Variants in TSNARE1 observed in about 807,000 individuals in gnomAD.
TSNARE1 encodes the protein t-SNARE domain-containing protein 1.
A neutral mutation model predicts 62.0 loss-of-function variants in TSNARE1; 49 were observed. The ratio of observed to expected loss-of-function variants is 0.79; its 90% confidence interval spans 0.63 to 1.00. TSNARE1 has a LOEUF of 1.00. Ranked by LOEUF, TSNARE1 falls within the 50% of genes least tolerant of loss-of-function variation. The probability of loss-of-function intolerance (pLI) is 0.00; values close to 1 mark genes in which losing one functional copy is unlikely to be tolerated. For missense variants in TSNARE1, 755 were observed against 700.1 expected (o/e 1.08, Z -0.88); for synonymous variants, 328 against 294.4 (o/e 1.11, Z -1.17).
At chr8:142,278,762 TGA>T in intron 11 of TSNARE1, 2 of 985,310 alleles carry the variant, frequency 2.0e-6, no homozygotes, top group South Asian at 4.7e-5. Flanking sequence ...CCTGACAGGC[TGA>T]GAGTCACCGG....
At chr8:142,256,367 T>C (rs369458512) in intron 12 of TSNARE1, among the ~76,000 whole-genome samples, 60 of 113,220 alleles carry the variant, frequency 5.3e-4, no homozygotes, top group Non-Finnish European at 6.6e-4. Context: ...ATCACCACCA[T>C]CATCACCACC....
At chr8:142,364,724 T>G (rs1835410782) in intron 1 of TSNARE1, among the ~76,000 whole-genome samples, 1 of 152,118 alleles carries the variant, frequency 6.6e-6, no homozygotes, top group Non-Finnish European at 1.5e-5. Context: ...AGAACCAGCT[T>G]GAAAAGGCTG....
rs542900493 is a variant in TSNARE1, at chr8:142,381,468, GC to G, written c.-40+21635del. Among the ~76,000 whole-genome samples the G allele has an allele frequency of 7.6e-4, 114 of 150,802 alleles. 2 individuals are homozygous for G. The South Asian group carries it at 0.015, about 20-fold the overall frequency. On this transcript the variant is annotated intron_variant, in intron 1 of 13. Coordinates refer to ENST00000524325, the MANE Select transcript of TSNARE1 (RefSeq NM_145003.5). ...TCTCCCCTTGCTAAAACCTATCAGCGCCCCCCCCCACCCCACCAAGCACAAG... is the reference window on the plus strand; with the variant it reads ...TCTCCCCTTGCTAAAACCTATCAGCGCCCCCCCCACCCCACCAAGCACAAG...
At chr8:142,271,698 GA>G in intron 12 of TSNARE1, 1 of 1,364,734 alleles carries the variant, frequency 7.3e-7, no homozygotes, top group Non-Finnish European at 9.4e-7. Flanking sequence ...TCAGCTAACA[GA>G]GGGAGACAGG....
intron 13 of TSNARE1, among the ~76,000 whole-genome samples, chr8:142,227,162 C>T (rs932179451): frequency 5.3e-5 from 8 of 150,894 alleles, no homozygotes; most frequent in Non-Finnish European, 1.0e-4. Context: ...CAGCCAGGAC[C>T]TCCACTGTGC....
chr8:142,276,702 C>T (rs1449876259), intron 11 of TSNARE1: 15 of 985,306 alleles, frequency 1.5e-5, no homozygotes, highest in African/African-American at 3.5e-5. Context: ...CTGCTCTACA[C>T]CTAGCCCTGG....
At chr8:142,270,953 G>A (rs571806430) in intron 12 of TSNARE1, 40 of 985,456 alleles carry the variant, frequency 4.1e-5, no homozygotes, top group East Asian at 1.1e-4. Flanking sequence ...TCATCCTTCC[G>A]GTCTCCTGGA....
chr8:142,269,289 G>C (rs1311013806), intron 12 of TSNARE1, among the ~76,000 whole-genome samples: 1 of 152,204 alleles, frequency 6.6e-6, no homozygotes, highest in African/African-American at 2.4e-5. Flanking sequence ...TGTGTAACTG[G>C]GGTCAGGACA....
chr8:142,314,001 A>G (rs1485774931), intron 9 of TSNARE1, among the ~76,000 whole-genome samples: 1 of 151,232 alleles, frequency 6.6e-6, no homozygotes, highest in Non-Finnish European at 1.5e-5. Context: ...CTGATCTTGA[A>G]CCCCTGACCT....
intron 1 of TSNARE1, among the ~76,000 whole-genome samples, chr8:142,360,257 A>AG (rs1254487654): frequency 5.3e-5 from 8 of 151,946 alleles, no homozygotes; most frequent in Admixed American, 5.2e-4. Context: ...CATGGCCAGG[A>AG]GGGGATGTGG....
At chr8:142,282,798 CCAATGAGCAGAGGCGGGACCAGTGTCTGT>C (rs1821832222) in intron 11 of TSNARE1, among the ~76,000 whole-genome samples, 1 of 121,306 alleles carries the variant, frequency 8.2e-6, no homozygotes, top group African/African-American at 3.3e-5. Flanking sequence ...TCAGTGTCTG[CCAATGAGCAGAGGCGGGACCAGTGTCTGT>C]CAATGAGTGG....
intron 12 of TSNARE1, among the ~76,000 whole-genome samples, chr8:142,236,298 C>T (rs895887790): frequency 2.0e-5 from 3 of 151,554 alleles, no homozygotes; most frequent in South Asian, 2.1e-4. Context: ...AGGGCAGGTT[C>T]AGAGGCGGGC....
At chr8:142,264,155 C>A (rs562580629) in intron 12 of TSNARE1, among the ~76,000 whole-genome samples, 1 of 152,204 alleles carries the variant, frequency 6.6e-6, no homozygotes, top group Non-Finnish European at 1.5e-5. Flanking sequence ...CTATTAACTT[C>A]ATATCCCTTA....
chr8:142,302,469 C>A (rs1285938732), intron 9 of TSNARE1, among the ~76,000 whole-genome samples: 1 of 152,140 alleles, frequency 6.6e-6, no homozygotes, highest in Non-Finnish European at 1.5e-5. Context: ...TGGATCAGAG[C>A]CCCTGCTGGG....
At chr8:142,285,160 GAT>G (rs1287049435) in intron 10 of TSNARE1, among the ~76,000 whole-genome samples, 1 of 151,824 alleles carries the variant, frequency 6.6e-6, no homozygotes, top group Non-Finnish European at 1.5e-5. Flanking sequence ...TGGATGAATA[GAT>G]GGGTGAGTGG....
Position 142,280,238 on chromosome 8 carries a change from A to T in TSNARE1, c.1363+4175T>A, listed in dbSNP as rs1014647058. ...TGGGGGCCCGGCCGCAGGGGTGTGG[A>T]GCCCGGCCCGGCACCCAGCAGCAGG... On this transcript the variant is annotated intron_variant, in intron 11 of 13. Coordinates refer to ENST00000524325, the MANE Select transcript of TSNARE1 (RefSeq NM_145003.5). The T allele has an allele frequency of 1.2e-5, 12 of 985,128 alleles. No individual in the cohort carries two copies. The Admixed American group carries it at 7.4e-4, about 61-fold the overall frequency. 61.0% of individuals were successfully genotyped at this position (985,128 alleles called of 1,614,324 possible).
intron 7 of TSNARE1, 68 bp downstream of exon 7, chr8:142,318,476 C>T: frequency 6.7e-7 from 1 of 1,490,488 alleles, no homozygotes. Context: ...TGTGACATCC[C>T]TGCTCCCATC....
At chr8:142,221,463 C>T (rs1816206359) in intron 13 of TSNARE1, among the ~76,000 whole-genome samples, 2 of 152,244 alleles carry the variant, frequency 1.3e-5, no homozygotes, top group South Asian at 4.1e-4. Context: ...ACCTGCTATG[C>T]TCCTCCACTT....
chr8:142,332,008 G>A (rs904494308), intron 4 of TSNARE1, among the ~76,000 whole-genome samples, 177 bp from the exon 5 acceptor site: 1 of 152,192 alleles, frequency 6.6e-6, no homozygotes, highest in Non-Finnish European at 1.5e-5. Context: ...CTGGACACCC[G>A]CACCTGCCTT....
Sources: gnomAD v4.1 joint callset for allele counts (sites outside exome capture counted in the v4.1 genomes callset) on GRCh38, gnomAD v4.1.1 for gene constraint, MANE v1.5 for transcripts, NCBI Gene and HGNC (gene_info 2026-07-23, HGNC 2026-07-21) for gene names.